The following IFIT1 variants were observed in gnomAD, a reference collection of about 807,000 sequenced individuals.
IFIT1 encodes the protein antiviral innate immune response effector IFIT1.
In IFIT1, 1 loss-of-function variant was observed where a neutral mutation model predicts 2.5. The observed-to-expected ratio is 0.40, with a 90% CI of 0.14 to 1.92. The LOEUF is 1.92. IFIT1 is among the 40% of genes most tolerant of loss of function. IFIT1 has a pLI of 0.31. For missense variants in IFIT1, 508 were observed against 557.8 expected, an observed-to-expected ratio of 0.91 and a Z score of 0.90; for synonymous variants, 191 against 201.7, an observed-to-expected ratio of 0.95 and a Z score of 0.45.
At chr10:89,399,313 T>G (rs144895648) in intron 1 of IFIT1, among the ~76,000 whole-genome samples, 1 of 152,326 alleles carries the variant, frequency 6.6e-6, no homozygotes, top group East Asian at 1.9e-4. Context: ...TTTCCTTCAT[T>G]CTGTGATTTG....
At position 89,396,470 on chromosome 10, in the gene IFIT1, C is replaced by T. The variant is rs1264255770; in HGVS notation, c.5+3753C>T. On this transcript the variant is annotated intron_variant, in intron 1 of 1. Coordinates refer to ENST00000371804, the MANE Select transcript of IFIT1 (RefSeq NM_001548.5). ...GAAGCACATACAAAGAGGGTCTAAA[C>T]CCAGGGGGCATCCTCACATTATAAC... 1.8e-4 allele frequency among the ~76,000 whole-genome samples: 28 copies of T among 152,170 alleles called. 1 individual carries two copies. The highest frequency in any genetic ancestry group is 1.8e-3 in the Admixed American group (28 of 15,280).
intron 1 of IFIT1, among the ~76,000 whole-genome samples, chr10:89,399,684 T>C (rs1844394377): frequency 6.6e-6 from 1 of 152,234 alleles, no homozygotes; most frequent in Admixed American, 6.5e-5. Context: ...ACCATTGTTA[T>C]GGAATGAATT....
rs895447440 is a variant in IFIT1 at position 89,398,350 on chromosome 10, A to C, written c.6-3931A>C. ...CCCTGAAAGGGGAACAATAAATGTT[A>C]ATTCCCTACAGGTTGTGTTGGCTCC... On this transcript the variant is annotated intron_variant, in intron 1 of 1. Transcript: ENST00000371804. Among the ~76,000 whole-genome samples the C allele has an allele frequency of 5.3e-5, 8 of 152,188 alleles. 1 individual carries two copies. The highest frequency in any genetic ancestry group is 1.9e-4 in the African/African-American group (8 of 41,442).
chr10:89,401,183 C>T (rs914709697), intron 1 of IFIT1, among the ~76,000 whole-genome samples: 1 of 150,814 alleles, frequency 6.6e-6, no homozygotes, highest in African/African-American at 2.4e-5. Context: ...GTGGCGCGAT[C>T]TCAGCTCACT....
intron 1 of IFIT1, among the ~76,000 whole-genome samples, chr10:89,400,032 ACACC>A (rs1844399867): frequency 6.6e-6 from 1 of 152,212 alleles, no homozygotes; most frequent in African/African-American, 2.4e-5. Context: ...GTTGTTTAAG[ACACC>A]CACTCTGTTA....
intron 1 of IFIT1, among the ~76,000 whole-genome samples, chr10:89,393,741 A>G (rs1443459225): frequency 6.6e-6 from 1 of 152,134 alleles, no homozygotes; most frequent in Non-Finnish European, 1.5e-5. Flanking sequence ...AAAACAAACA[A>G]ACAAACAAAA....
Position 89,393,462 on chromosome 10 carries a change from G to A in IFIT1, c.5+745G>A, listed in dbSNP as rs955289553. ...AAAACCATTACTTAGGCCGGGCAAG[G>A]GGGCTCATGCTTGTAATCCCAGCAC... On this transcript the variant is annotated intron_variant, in intron 1 of 1. Coordinates refer to ENST00000371804, the MANE Select transcript of IFIT1 (RefSeq NM_001548.5). 25 of 447,590 alleles carry A rather than the reference G, an allele frequency of 5.6e-5. No individual in the cohort carries two copies. The East Asian group carries it at 1.6e-3, about 29-fold the overall frequency. The allele number at this position is 447,590 out of a possible 1,614,324, so 27.7% of individuals were successfully genotyped here. A position where few individuals can be genotyped will look rare whatever the true frequency, so the allele number is the denominator to read the frequency against.
At chr10:89,396,016 A>T (rs1844338029) in intron 1 of IFIT1, among the ~76,000 whole-genome samples, 1 of 152,168 alleles carries the variant, frequency 6.6e-6, no homozygotes, top group Non-Finnish European at 1.5e-5. Context: ...TTTTTTGGCC[A>T]TTATGAATAG....
At position 89,403,506 on chromosome 10, in the gene IFIT1, G is replaced by T; in HGVS notation, c.1231G>T (p.Ala411Ser). 2 of 1,612,716 alleles carry T rather than the reference G, an allele frequency of 1.2e-6. No homozygotes were observed. The highest frequency in any genetic ancestry group is 1.1e-5 in the South Asian group (1 of 90,696). The change falls in exon 2 of 2, where the codon GCA becomes TCA. Residue 411 changes from alanine to serine, a missense_variant. Physicochemically the swap from Ala to Ser is moderately conservative, Grantham distance 99. Transcript: ENST00000371804. ...HYLKAIKIEQ[A>S]SLTRDKSINS... is the part of the protein sequence containing the mutation. ...TTTAAAAGCTATAAAAATAGAACAGGCATCATTAACAAGGGATAAAAGTAT... is the reference window on the plus strand; with the variant it reads ...TTTAAAAGCTATAAAAATAGAACAGTCATCATTAACAAGGGATAAAAGTAT...
intron 1 of IFIT1, among the ~76,000 whole-genome samples, chr10:89,398,636 C>G (rs1482286466): frequency 6.6e-6 from 1 of 152,170 alleles, no homozygotes; most frequent in Non-Finnish European, 1.5e-5. Context: ...CAATATTGTC[C>G]TTTTGTGACT....
At chr10:89,402,043 A>G (rs546318265) in intron 1 of IFIT1, among the ~76,000 whole-genome samples, 2 of 152,374 alleles carry the variant, frequency 1.3e-5, no homozygotes, top group African/African-American at 4.8e-5. Flanking sequence ...TCTCCATTCT[A>G]CAAATAGGAC....
chr10:89,406,375 G>A lies in IFIT1; in HGVS notation c.*2663G>A, dbSNP rs1844531390. 6.6e-6 allele frequency: 1 copy of A among 152,234 alleles called. No individual in the cohort carries two copies. The highest frequency in any genetic ancestry group is 1.5e-5 in the Non-Finnish European group (1 of 68,074). 9.4% of individuals were successfully genotyped at this position (152,234 alleles called of 1,614,324 possible). A position where few individuals can be genotyped will look rare whatever the true frequency, so the allele number is the denominator to read the frequency against. On this transcript the variant is annotated 3_prime_UTR_variant, in exon 2 of 2. Transcript: ENST00000371804. ...ATCAGCAGGATGTGGGTGGGGCCAA[G>A]TAAGGGAATAAAAGCAGGCCACCCG...
chr10:89,402,206 A>G, intron 1 of IFIT1, 75 bp from the exon 2 acceptor site: 1 of 898,196 alleles, frequency 1.1e-6, no homozygotes, highest in South Asian at 1.6e-5. Context: ...GCACTAAAAT[A>G]CAAGGTATTT....
chr10:89,398,659 T>C (rs1317882714), intron 1 of IFIT1, among the ~76,000 whole-genome samples: 1 of 152,252 alleles, frequency 6.6e-6, no homozygotes, highest in Non-Finnish European at 1.5e-5. Context: ...CTTATTTCAC[T>C]TAACATAATA....
At chr10:89,397,147 G>A (rs532164866) in intron 1 of IFIT1, among the ~76,000 whole-genome samples, 1 of 151,978 alleles carries the variant, frequency 6.6e-6, no homozygotes, top group African/African-American at 2.4e-5. Context: ...ATATTCTATG[G>A]TATAGATATA....
chr10:89,403,239 A>T lies in IFIT1; in HGVS notation c.964A>T (p.Ile322Leu), dbSNP rs1338027386. The T allele has an allele frequency of 1.2e-6, 2 of 1,614,218 alleles. No individual in the cohort carries two copies. Among genetic ancestry groups the T allele is most frequent in the Non-Finnish European group, 1.7e-6 (2 of 1,180,042 alleles). ...GAACAGAGAAAAGCTAGACAAAATG[A>T]TAAGATCAGCCATATTTCATTTTGA... ...GQNREKLDKM[I>L]RSAIFHFESA... The change falls in exon 2 of 2, where the codon ATA (isoleucine) becomes TTA (leucine). Residue 322 changes from isoleucine (I) to leucine (L), a missense_variant. Ile to Leu is a conservative substitution (Grantham distance 5). Transcript: ENST00000371804.
chr10:89,403,024 A>C lies in IFIT1; in HGVS notation c.749A>C (p.Gln250Pro), dbSNP rs1405780422. 6.2e-7 allele frequency: 1 copy of C among 1,614,136 alleles called. No homozygotes were observed. The highest frequency in any genetic ancestry group is 2.2e-5 in the East Asian group (1 of 44,906). The part of the protein sequence containing the change: ...IEEALANMSS[Q>P]TYVFRYAAKF... Reference sequence around the variant, plus strand: ...GAAGCTCTAGCCAACATGTCCTCACAGACCTATGTCTTTCGATATGCAGCC... The same window carrying C: ...GAAGCTCTAGCCAACATGTCCTCACCGACCTATGTCTTTCGATATGCAGCC... The change falls in exon 2 of 2, where the codon CAG (glutamine) becomes CCG (proline). Residue 250 changes from glutamine to proline, a missense_variant. Physicochemically the swap from Gln to Pro is moderately conservative, Grantham distance 76. Transcript: ENST00000371804.
chr10:89,398,236 C>T (rs1238792867), intron 1 of IFIT1, among the ~76,000 whole-genome samples: 1 of 152,172 alleles, frequency 6.6e-6, no homozygotes, highest in Non-Finnish European at 1.5e-5. Context: ...GGAGTAGGTA[C>T]AAGGGAGTGT....
At chr10:89,394,832 G>T (rs1386299591) in intron 1 of IFIT1, among the ~76,000 whole-genome samples, 2 of 151,770 alleles carry the variant, frequency 1.3e-5, no homozygotes, top group African/African-American at 4.8e-5. Flanking sequence ...CCATTAAGCA[G>T]TCACTCCCTA....
Sources: allele counts gnomAD v4.1 joint callset (sites outside exome capture counted in the v4.1 genomes callset), GRCh38; gene constraint gnomAD v4.1.1; transcripts MANE v1.5; gene names NCBI Gene and HGNC (gene_info 2026-07-23, HGNC 2026-07-21).